DSCAM: variants seen among roughly 807,000 people sequenced by gnomAD.
The protein encoded by DSCAM is DS cell adhesion molecule.
A neutral mutation model predicts 217.7 loss-of-function variants in DSCAM; 47 were observed. That is an observed-to-expected ratio of 0.22 (90% CI 0.17 to 0.28). The LOEUF (loss-of-function observed/expected upper bound fraction) is 0.28, where lower values mean the gene tolerates loss of function less well. Among genes scored for constraint, DSCAM ranks in the 10% least tolerant of loss-of-function variants. The pLI is 1.00. For missense variants in DSCAM, 2,080 were observed against 2,618.3 expected (o/e 0.79, Z 4.49); for synonymous variants, 1,056 against 1,015.3 (o/e 1.04, Z -0.76).
chr21:40,688,332 G>A (rs1350574406), intron 3 of DSCAM, among the ~76,000 whole-genome samples: 4 of 152,104 alleles, frequency 2.6e-5, no homozygotes, highest in African/African-American at 7.2e-5. Context: ...TCCCTAATCG[G>A]GAGGAAATTC....
intron 1 of DSCAM, among the ~76,000 whole-genome samples, chr21:40,729,001 G>T (rs1309802464): frequency 1.3e-5 from 2 of 152,118 alleles, no homozygotes; most frequent in Admixed American, 6.5e-5. Flanking sequence ...TGGGTCGCTA[G>T]CCCCGTGTCT....
chr21:40,495,385 T>C (rs1448189827), intron 3 of DSCAM, among the ~76,000 whole-genome samples: 1 of 152,134 alleles, frequency 6.6e-6, no homozygotes, highest in East Asian at 1.9e-4. Flanking sequence ...GTTCAATACA[T>C]GCAAATCAAT....
chr21:40,684,251 C>A (rs183884451), intron 3 of DSCAM, among the ~76,000 whole-genome samples: 1 of 151,978 alleles, frequency 6.6e-6, no homozygotes. Context: ...AAAAAGAAAC[C>A]GGACTGGCAT....
Position 40,051,948 on chromosome 21 carries a change from G to T in DSCAM, c.5185+10C>A. ...ACACCCACACATTTTAAGCATTGTT[G>T]ACCACTCACTCGTTCCCGGCCGAGC... On this transcript the variant is annotated intron_variant, in intron 30 of 32. Transcript: ENST00000400454. 6.2e-7 allele frequency: 1 copy of T among 1,607,392 alleles called. No individual in the cohort carries two copies. Among genetic ancestry groups the T allele is most frequent in the South Asian group, 1.1e-5 (1 of 89,858 alleles).
At chr21:40,040,792 C>T (rs1212543642) in intron 32 of DSCAM, among the ~76,000 whole-genome samples, 7 of 152,218 alleles carry the variant, frequency 4.6e-5, no homozygotes, top group African/African-American at 1.2e-4. Context: ...AAGCTGAGAA[C>T]GCCTATACAA....
chr21:40,804,881 C>T (rs2091771922), intron 1 of DSCAM, among the ~76,000 whole-genome samples: 1 of 152,146 alleles, frequency 6.6e-6, no homozygotes, highest in Non-Finnish European at 1.5e-5. Context: ...CATTGTACCC[C>T]ACCCAATTGT....
chr21:40,039,291 T>C (rs2088697018), intron 32 of DSCAM, among the ~76,000 whole-genome samples: 1 of 150,510 alleles, frequency 6.6e-6, no homozygotes, highest in South Asian at 2.1e-4. Flanking sequence ...GATTAAATTA[T>C]GCAGATGAAA....
Position 40,012,376 on chromosome 21 carries a change from G to A in DSCAM, c.*658C>T, listed in dbSNP as rs1330719661. On this transcript the variant is annotated 3_prime_UTR_variant, in exon 33 of 33. Coordinates refer to ENST00000400454, the MANE Select transcript of DSCAM (RefSeq NM_001389.5). ...GAAGTGTCAATGGGAAGGAGGACCA[G>A]GCCACTGGCAGAAGACGAGAGAAGC... 7.9e-5 allele frequency: 12 copies of A among 152,146 alleles called. No homozygotes were observed. The highest frequency in any genetic ancestry group is 1.2e-4 in the Non-Finnish European group (8 of 68,034). The allele number at this position is 152,146 out of a possible 1,614,324, so 9.4% of individuals were successfully genotyped here.
chr21:40,814,659 G>A (rs1222692228), intron 1 of DSCAM, among the ~76,000 whole-genome samples: 1 of 152,136 alleles, frequency 6.6e-6, no homozygotes, highest in Non-Finnish European at 1.5e-5. Flanking sequence ...AGCGGGAAAA[G>A]GATATAATGG....
At chr21:40,467,051 CAA>C (rs1286123560) in intron 3 of DSCAM, among the ~76,000 whole-genome samples, 5 of 152,148 alleles carry the variant, frequency 3.3e-5, no homozygotes, top group East Asian at 3.9e-4. Flanking sequence ...GAACATAAGC[CAA>C]AGATGTATGT....
intron 3 of DSCAM, among the ~76,000 whole-genome samples, chr21:40,405,269 T>C (rs1229603991): frequency 6.6e-6 from 1 of 152,252 alleles, no homozygotes; most frequent in Non-Finnish European, 1.5e-5. Context: ...AGCAGCCATC[T>C]TACCATATTA....
rs558546372 is a variant in DSCAM, at chr21:40,209,408, G to A, written c.2357-20170C>T. ...GCACACACAAGACTCCTACATTTCT[G>A]TTCTTCCTCTTCTGCTCTCTTTTCC... is the stretch of plus-strand genomic sequence containing the variant. On this transcript the variant is annotated intron_variant, in intron 11 of 32. Transcript: ENST00000400454. Among the ~76,000 whole-genome samples, 8 of 151,628 alleles carry A rather than the reference G, an allele frequency of 5.3e-5. No homozygotes were observed. In the South Asian group the frequency reaches 1.7e-3, roughly 32 times the overall value.
In DSCAM at chr21:40,261,414, C is replaced by A. The variant is rs536087281; in HGVS notation, c.2356+14683G>T. 2.0e-5 allele frequency among the ~76,000 whole-genome samples: 3 copies of A among 152,240 alleles called. No homozygotes were observed. The South Asian group carries it at 6.2e-4, about 32-fold the overall frequency. ...TAGTGTGCATGGGCCTCATCCCATC[C>A]ATTTAAGACCTGAAAAGAACAAAAA... On this transcript the variant is annotated intron_variant, in intron 11 of 32. Coordinates refer to ENST00000400454, the MANE Select transcript of DSCAM (RefSeq NM_001389.5).
intron 3 of DSCAM, among the ~76,000 whole-genome samples, chr21:40,644,725 A>C (rs952137244): frequency 5.3e-5 from 8 of 152,086 alleles, no homozygotes; most frequent in African/African-American, 1.7e-4. Flanking sequence ...GTGTACTTTC[A>C]CTTCAGTAAA....
chr21:40,500,135 GA>G (rs1438676072), intron 3 of DSCAM, among the ~76,000 whole-genome samples: 1 of 152,142 alleles, frequency 6.6e-6, no homozygotes, highest in Non-Finnish European at 1.5e-5. Context: ...GAGGGAGGAG[GA>G]GAAAAGGGAG....
rs1054292095 is a variant in DSCAM at position 40,026,728 on chromosome 21, G to A, written c.5687-13342C>T. On this transcript the variant is annotated intron_variant, in intron 32 of 32. Coordinates refer to ENST00000400454, the MANE Select transcript of DSCAM (RefSeq NM_001389.5). ...TTTTTTGTTTTCCATTTGCTTGGTA[G>A]ATCTTCCTCCATCCTTTTATTTTGA... is the stretch of plus-strand genomic sequence containing the variant. Among the ~76,000 whole-genome samples the A allele has an allele frequency of 2.9e-4, 43 of 147,602 alleles. 3 individuals are homozygous for A. The highest frequency in any genetic ancestry group is 2.5e-3 in the East Asian group (12 of 4,834).
intron 10 of DSCAM, among the ~76,000 whole-genome samples, chr21:40,280,341 C>T (rs1385118884): frequency 6.6e-6 from 1 of 151,852 alleles, no homozygotes; most frequent in Non-Finnish European, 1.5e-5. Context: ...CAGACACCAC[C>T]ATACCCCGCT....
chr21:40,293,388 G>C (rs2073917626), intron 10 of DSCAM, among the ~76,000 whole-genome samples: 1 of 152,094 alleles, frequency 6.6e-6, no homozygotes, highest in Non-Finnish European at 1.5e-5. Context: ...GAAGAATGCT[G>C]CTAGGAGAGG....
intron 3 of DSCAM, among the ~76,000 whole-genome samples, chr21:40,617,511 G>A (rs909313856): frequency 6.6e-6 from 1 of 152,172 alleles, no homozygotes; most frequent in African/African-American, 2.4e-5. Context: ...TCTAGGACCC[G>A]AGCAGGACAC....
Sources: allele counts gnomAD v4.1 joint callset (sites outside exome capture counted in the v4.1 genomes callset), GRCh38; gene constraint gnomAD v4.1.1; transcripts MANE v1.5; gene names NCBI Gene and HGNC (gene_info 2026-07-23, HGNC 2026-07-21).